The following DOCK10 variants were observed in gnomAD, a reference collection of about 807,000 sequenced individuals.
DOCK10 encodes dedicator of cytokinesis 10, also known as dedicator of cytokinesis protein 10.
DOCK10 carries 145 observed loss-of-function variants against 280.1 expected under a neutral mutation model. That is an observed-to-expected ratio of 0.52 (90% CI 0.45 to 0.59). DOCK10 has a LOEUF of 0.59. Ranked by LOEUF, DOCK10 falls within the 20% of genes least tolerant of loss-of-function variation. The probability of loss-of-function intolerance (pLI) is 0.00; values close to 1 mark genes in which losing one functional copy is unlikely to be tolerated. For synonymous variants in DOCK10, 915 were observed against 942.2 expected (o/e 0.97, Z 0.53); for missense variants, 2,368 against 2,651.7 (o/e 0.89, Z 2.35).
intron 13 of DOCK10, among the ~76,000 whole-genome samples, chr2:224,863,188 ACT>A (rs1335948067): frequency 6.6e-6 from 1 of 152,124 alleles, no homozygotes; most frequent in Middle Eastern, 3.2e-3. Context: ...CAAGTTTTCA[ACT>A]CTGTTTCTGT....
chr2:224,868,465 T>C (rs1400259059), intron 11 of DOCK10, among the ~76,000 whole-genome samples: 1 of 152,198 alleles, frequency 6.6e-6, no homozygotes, highest in Non-Finnish European at 1.5e-5. Flanking sequence ...TTTGAGTTGA[T>C]GCCAATCTCT....
intron 1 of DOCK10, among the ~76,000 whole-genome samples, chr2:224,951,673 A>T (rs889363542): frequency 6.6e-6 from 1 of 152,194 alleles, no homozygotes; most frequent in Non-Finnish European, 1.5e-5. Flanking sequence ...ATCTGTTTTC[A>T]TGGGTCAGAA....
chr2:224,977,063 T>A (rs1373618768), intron 1 of DOCK10, among the ~76,000 whole-genome samples: 1 of 152,120 alleles, frequency 6.6e-6, no homozygotes, highest in Non-Finnish European at 1.5e-5. Context: ...AGTGCACACA[T>A]CCTTGACTCA....
At chr2:224,955,713 T>C (rs1372146754) in intron 1 of DOCK10, among the ~76,000 whole-genome samples, 1 of 152,274 alleles carries the variant, frequency 6.6e-6, no homozygotes, top group Non-Finnish European at 1.5e-5. Flanking sequence ...TAACTAATTG[T>C]TGAATTTCCT....
chr2:224,971,333 G>T (rs1213577980), intron 1 of DOCK10, among the ~76,000 whole-genome samples: 1 of 151,986 alleles, frequency 6.6e-6, no homozygotes, highest in African/African-American at 2.4e-5. Context: ...AGGGGAGGTG[G>T]GTGGAGTGAA....
intron 1 of DOCK10, among the ~76,000 whole-genome samples, chr2:225,038,754 G>C (rs565908381): frequency 1.3e-5 from 2 of 152,254 alleles, no homozygotes; most frequent in African/African-American, 4.8e-5. Flanking sequence ...CTCCAGTCTA[G>C]GAAATAGATG....
At chr2:225,031,314 T>A (rs377340306) in intron 1 of DOCK10, among the ~76,000 whole-genome samples, 1 of 152,232 alleles carries the variant, frequency 6.6e-6, no homozygotes. Context: ...CCAAGATACA[T>A]CTGTTCAGAA....
intron 1 of DOCK10, among the ~76,000 whole-genome samples, chr2:224,996,230 G>A (rs1343941303): frequency 1.3e-5 from 2 of 152,182 alleles, no homozygotes; most frequent in East Asian, 3.8e-4. Context: ...TCGGCTGGGG[G>A]TGCAAGAGGA....
At chr2:224,827,401 G>A (rs555209222) in intron 27 of DOCK10, among the ~76,000 whole-genome samples, 7 of 152,198 alleles carry the variant, frequency 4.6e-5, no homozygotes, top group African/African-American at 1.2e-4. Context: ...AAGGGGTCAC[G>A]GAAAGCAAAC....
intron 1 of DOCK10, among the ~76,000 whole-genome samples, chr2:225,027,489 C>T (rs1025703777): frequency 3.9e-5 from 6 of 152,132 alleles, no homozygotes; most frequent in East Asian, 3.9e-4. Flanking sequence ...GGTGGGGCCT[C>T]GTGGGAAGTG....
intron 7 of DOCK10, among the ~76,000 whole-genome samples, chr2:224,884,754 A>C (rs1255255734): frequency 6.7e-6 from 1 of 150,300 alleles, no homozygotes; most frequent in Non-Finnish European, 1.5e-5. Context: ...ACCTCTTAGA[A>C]GAAAGATGCT....
At chr2:224,936,673 A>G (rs372649818) in intron 1 of DOCK10, among the ~76,000 whole-genome samples, 49 of 152,314 alleles carry the variant, frequency 3.2e-4, no homozygotes, top group African/African-American at 1.0e-3. Flanking sequence ...CAGAATAATC[A>G]CACAAGATTT....
At chr2:224,945,667 G>A (rs1336168729) in intron 1 of DOCK10, among the ~76,000 whole-genome samples, 1 of 151,034 alleles carries the variant, frequency 6.6e-6, no homozygotes, top group Non-Finnish European at 1.5e-5. Flanking sequence ...CTATATATAT[G>A]CATGTGTGTG....
At chr2:224,802,736 T>C (rs762334007) in intron 39 of DOCK10, among the ~76,000 whole-genome samples, 1 of 152,162 alleles carries the variant, frequency 6.6e-6, no homozygotes, top group Non-Finnish European at 1.5e-5. Context: ...AGGAAATAGG[T>C]TGATAATTCT....
At chr2:224,960,897 G>A (rs57581963) in intron 1 of DOCK10, among the ~76,000 whole-genome samples, 40,730 of 151,522 alleles carry the variant, frequency 0.27, 5,802 homozygotes, top group Non-Finnish European at 0.32. Context: ...GCGCCACCGC[G>A]CCCGGCTAAT....
intron 23 of DOCK10, among the ~76,000 whole-genome samples, chr2:224,841,111 G>A (rs535501630): frequency 3.9e-4 from 59 of 152,210 alleles, no homozygotes; most frequent in African/African-American, 1.4e-3. Context: ...GCTAGGGAGG[G>A]GAGTGCTGGG....
At chr2:225,026,804 T>G (rs281537) in intron 1 of DOCK10, among the ~76,000 whole-genome samples, 126,155 of 152,002 alleles carry the variant, frequency 0.83, 52,596 homozygotes, top group Middle Eastern at 0.9. Flanking sequence ...TTAGATCCCT[T>G]GTACATCCTA....
intron 4 of DOCK10, among the ~76,000 whole-genome samples, chr2:224,887,055 C>T (rs544479073): frequency 4.6e-5 from 7 of 152,202 alleles, no homozygotes; most frequent in African/African-American, 7.2e-5. Flanking sequence ...GAGCCACTGG[C>T]GTTTGGCCTT....
chr2:224,941,458 C>T (rs934451115), intron 1 of DOCK10, among the ~76,000 whole-genome samples: 1 of 152,148 alleles, frequency 6.6e-6, no homozygotes, highest in African/African-American at 2.4e-5. Context: ...TGAGTTTCTG[C>T]AGCAAACGGC....
Sources: gnomAD v4.1 joint callset for allele counts (sites outside exome capture counted in the v4.1 genomes callset) on GRCh38, gnomAD v4.1.1 for gene constraint, MANE v1.5 for transcripts, NCBI Gene and HGNC (gene_info 2026-07-23, HGNC 2026-07-21) for gene names.